Variants in FGD6 observed in about 807,000 individuals in gnomAD.
The protein encoded by FGD6 is FYVE, RhoGEF and PH domain-containing protein 6.
FGD6 carries 90 observed loss-of-function variants against 149.4 expected under a neutral mutation model. The ratio of observed to expected loss-of-function variants is 0.60; its 90% CI spans 0.51 to 0.72. The LOEUF is 0.72. Ranked by LOEUF, FGD6 falls within the 30% of genes least tolerant of loss-of-function variation. The probability of loss-of-function intolerance (pLI) is 0.00; values close to 1 mark genes in which losing one functional copy is unlikely to be tolerated. For synonymous variants in FGD6, 527 were observed against 584.0 expected (o/e 0.90, Z 1.41); for missense variants, 1,437 against 1,684.8 (o/e 0.85, Z 2.57).
chr12:95,187,330 C>CAAA (rs149659221), intron 2 of FGD6, among the ~76,000 whole-genome samples: 1 of 107,236 alleles, frequency 9.3e-6, no homozygotes, highest in Non-Finnish European at 1.9e-5. Flanking sequence ...GACTCCATTT[C>CAAA]AAAAAAAAAA....
intron 12 of FGD6, 108 bp downstream of exon 12, chr12:95,107,455 G>T: frequency 1.0e-6 from 1 of 994,496 alleles, no homozygotes. Context: ...AGAAGCTGGT[G>T]AGGCTGATAT....
At chr12:95,127,119 CTT>C (rs879523616) in intron 8 of FGD6, among the ~76,000 whole-genome samples, 4 of 145,828 alleles carry the variant, frequency 2.7e-5, no homozygotes, top group African/African-American at 5.0e-5. Flanking sequence ...GACAGCCCTA[CTT>C]TTTTTTTTTT....
Position 95,137,641 on chromosome 12 carries a change from T to C in FGD6, c.2875A>G (p.Lys959Glu). ...QQRIADIFVK[K>E]GPYLKMYSTY... Reference sequence around the variant, plus strand: ...GAATACATTTTTAGATATGGTCCCTTCTTTACAAAGATATCAGCAATTCTT... The same window carrying C: ...GAATACATTTTTAGATATGGTCCCTCCTTTACAAAGATATCAGCAATTCTT... Residue 959 changes from lysine (K) to glutamate (E), a missense_variant, in exon 7 of 21, where the codon AAG (lysine) becomes GAG (glutamate). Lys to Glu is a moderately conservative substitution (Grantham distance 56). Transcript: ENST00000343958. The C allele has an allele frequency of 6.2e-7, 1 of 1,609,988 alleles. No individual in the cohort carries two copies. Among genetic ancestry groups the C allele is most frequent in the Non-Finnish European group, 8.5e-7 (1 of 1,178,524 alleles).
At chr12:95,127,441 G>A (rs1879379028) in intron 8 of FGD6, among the ~76,000 whole-genome samples, 2 of 152,272 alleles carry the variant, frequency 1.3e-5, no homozygotes, top group Admixed American at 6.5e-5. Flanking sequence ...CTACTCGGGC[G>A]GTTGAGGCAG....
Position 95,208,013 on chromosome 12 carries a change from G to A in FGD6, c.2441+830C>T, listed in dbSNP as rs867678209. Among the ~76,000 whole-genome samples the A allele has an allele frequency of 4.1e-4, 63 of 152,272 alleles. 3 individuals carry two copies. Among genetic ancestry groups the A allele is most frequent in the Middle Eastern group, 3.4e-3 (1 of 294 alleles). On this transcript the variant is annotated intron_variant, in intron 2 of 20. Transcript: ENST00000343958. ...TGCCTGTAATCCCAACCCTTTGGGA[G>A]GCAAAGGCAGGAGCAGTGCTTGAGC... is the stretch of plus-strand genomic sequence containing the variant.
Position 95,106,877 on chromosome 12 carries a change from G to C in FGD6, c.3417+77C>G, listed in dbSNP as rs1259220424. The C allele has an allele frequency of 1.2e-5, 14 of 1,210,198 alleles. No individual in the cohort carries two copies. In the Admixed American group the frequency reaches 2.5e-4, roughly 22 times the overall value. The allele number at this position is 1,210,198 out of a possible 1,614,324, so 75.0% of individuals were successfully genotyped here. On this transcript the variant is annotated intron_variant, in intron 13 of 20. Coordinates refer to ENST00000343958, the MANE Select transcript of FGD6 (RefSeq NM_018351.4). Reference sequence around the variant, plus strand: ...CCACTGCACTCCAGCCTGGGTGACAGAATGAGACCCCGTCTCAAACAAAAC... The same window carrying C: ...CCACTGCACTCCAGCCTGGGTGACACAATGAGACCCCGTCTCAAACAAAAC...
At chr12:95,105,487 T>C (rs1878581619) in intron 13 of FGD6, among the ~76,000 whole-genome samples, 1 of 152,202 alleles carries the variant, frequency 6.6e-6, no homozygotes, top group Non-Finnish European at 1.5e-5. Context: ...TTCCCAAAAC[T>C]GTAATTGTGC....
chr12:95,184,730 C>T (rs1881378585), intron 2 of FGD6, among the ~76,000 whole-genome samples: 1 of 151,144 alleles, frequency 6.6e-6, no homozygotes, highest in African/African-American at 2.4e-5. Flanking sequence ...TACAGGTGTC[C>T]ACCACCAAGC....
At chr12:95,216,681 A>G (rs952727109) in intron 1 of FGD6, among the ~76,000 whole-genome samples, 1 of 150,606 alleles carries the variant, frequency 6.6e-6, no homozygotes. Flanking sequence ...AAAAAAAAAA[A>G]AAAAAAAAAA....
chr12:95,109,446 A>G, intron 9 of FGD6, among the ~76,000 whole-genome samples: 1 of 152,208 alleles, frequency 6.6e-6, no homozygotes, highest in East Asian at 1.9e-4. Context: ...CCACACAAAG[A>G]TTATTCAGAA....
At chr12:95,167,577 G>T (rs1157131050) in intron 3 of FGD6, among the ~76,000 whole-genome samples, 1 of 138,384 alleles carries the variant, frequency 7.2e-6, no homozygotes, top group East Asian at 2.1e-4. Context: ...ACTGTTTGAG[G>T]TTTTTTTTTT....
intron 8 of FGD6, among the ~76,000 whole-genome samples, chr12:95,133,160 A>G (rs1592845922): frequency 6.6e-6 from 1 of 152,188 alleles, no homozygotes; most frequent in Admixed American, 6.5e-5. Flanking sequence ...GCTCACGCCT[A>G]TAATCTCAGC....
chr12:95,144,588 C>A (rs1371417099), intron 5 of FGD6, among the ~76,000 whole-genome samples: 3 of 151,764 alleles, frequency 2.0e-5, no homozygotes, highest in Non-Finnish European at 2.9e-5. Context: ...GACAGGGTTT[C>A]TCCATGTTGG....
rs556249000 is a variant in FGD6 at position 95,088,579 on chromosome 12, G to A, written c.3978+990C>T. Among the ~76,000 whole-genome samples the A allele has an allele frequency of 9.2e-5, 14 of 152,056 alleles. No individual in the cohort carries two copies. In the South Asian group the frequency reaches 2.5e-3, roughly 27 times the overall value. On this transcript the variant is annotated intron_variant, in intron 18 of 20. Coordinates refer to ENST00000343958, the MANE Select transcript of FGD6 (RefSeq NM_018351.4). The stretch of plus-strand genomic sequence containing the variant: ...ATATGAGCAAGCAATTCTACTTCTG[G>A]GTATAAACCCAAGATAAATGAAAAC...
At chr12:95,208,793 A>G (rs11107934) in intron 2 of FGD6, 50 bp downstream of exon 2, 164,212 of 1,552,006 alleles carry the variant, frequency 0.11, 9,772 homozygotes, top group East Asian at 0.28. Flanking sequence ...CAGGCTGTTG[A>G]AGGTTAATTG....
intron 2 of FGD6, among the ~76,000 whole-genome samples, chr12:95,199,146 C>G (rs1032918397): frequency 2.0e-5 from 3 of 152,162 alleles, no homozygotes; most frequent in Admixed American, 6.6e-5. Flanking sequence ...ATAAGGCTTT[C>G]CACCCCAGCA....
At chr12:95,183,190 C>A (rs79160774) in intron 2 of FGD6, among the ~76,000 whole-genome samples, 1 of 152,208 alleles carries the variant, frequency 6.6e-6, no homozygotes, top group Non-Finnish European at 1.5e-5. Context: ...CTGATAAAGT[C>A]CCCTGGCCAC....
In FGD6 at chr12:95,201,955, TACACACACACACAC is replaced by T. The variant is rs71078621; in HGVS notation, c.2441+6874_2441+6887del. Among the ~76,000 whole-genome samples the T allele has an allele frequency of 9.6e-3, 1,407 of 146,416 alleles. 17 individuals are homozygous for T. Among genetic ancestry groups the T allele is most frequent in the African/African-American group, 0.027 (1,079 of 40,044 alleles). On this transcript the variant is annotated intron_variant, in intron 2 of 20. Coordinates refer to ENST00000343958, the MANE Select transcript of FGD6 (RefSeq NM_018351.4). ...AAATGTTTTACTAAGCAGGACAGAA[TACACACACACACAC>T]ACACACACACACACACACACACACA...
At chr12:95,212,354 T>C (rs1357886096) in intron 1 of FGD6, among the ~76,000 whole-genome samples, 1 of 152,216 alleles carries the variant, frequency 6.6e-6, no homozygotes, top group Admixed American at 6.5e-5. Flanking sequence ...AGTGTAGCAA[T>C]TCTTCCTAAA....
Sources: allele counts gnomAD v4.1 joint callset (sites outside exome capture counted in the v4.1 genomes callset), GRCh38; gene constraint gnomAD v4.1.1; transcripts MANE v1.5; gene names NCBI Gene and HGNC (gene_info 2026-07-23, HGNC 2026-07-21).